DHRS7: variants seen among roughly 807,000 people sequenced by gnomAD.
The protein encoded by DHRS7 is dehydrogenase/reductase 7, also known as dehydrogenase/reductase SDR family member 7.
A neutral mutation model predicts 38.9 loss-of-function variants in DHRS7; 34 were observed. The observed-to-expected ratio is 0.87, with a 90% CI of 0.66 to 1.16. DHRS7 has a LOEUF of 1.16. DHRS7 is among the 50% of genes most tolerant of loss of function. DHRS7 has a pLI of 0.00. For missense variants in DHRS7, 421 were observed against 407.0 expected, an observed-to-expected ratio of 1.03 and a Z score of -0.30; for synonymous variants, 158 against 153.1, an observed-to-expected ratio of 1.03 and a Z score of -0.24.
intron 5 of DHRS7, 44 bp downstream of exon 5, chr14:60,150,021 A>T: frequency 6.3e-7 from 1 of 1,582,078 alleles, no homozygotes; most frequent in African/African-American, 1.4e-5. Flanking sequence ...ATGCCAATAT[A>T]TAACTAGTAA....
chr14:60,149,918 A>T, intron 5 of DHRS7, 147 bp downstream of exon 5: 1 of 825,616 alleles, frequency 1.2e-6, no homozygotes. Context: ...TCCATAAACA[A>T]TTTTCATAAT....
rs772123564 is a variant in DHRS7, at chr14:60,144,894, A to G, written c.*72T>C. ...ACAAATTAGTCTTTGATTATTCAGA[A>G]GCATAAGAAGATTGCTGTTTTCATG... On this transcript the variant is annotated 3_prime_UTR_variant, in exon 7 of 7. Coordinates refer to ENST00000557185, the MANE Select transcript of DHRS7 (RefSeq NM_016029.4). The G allele has an allele frequency of 8.0e-7, 1 of 1,243,346 alleles. No individual in the cohort carries two copies. Among genetic ancestry groups the G allele is most frequent in the South Asian group, 1.2e-5 (1 of 80,612 alleles). The allele number at this position is 1,243,346 out of a possible 1,614,324, so 77.0% of individuals were successfully genotyped here. A position where few individuals can be genotyped will look rare whatever the true frequency, so the allele number is the denominator to read the frequency against.
chr14:60,163,761 A>G (rs1896809523), intron 1 of DHRS7, among the ~76,000 whole-genome samples: 1 of 152,212 alleles, frequency 6.6e-6, no homozygotes, highest in Admixed American at 6.5e-5. Flanking sequence ...TGATGGGTTG[A>G]ATATTTTTTG....
In DHRS7 at chr14:60,153,956, T is replaced by TA. The variant is rs1278279403; in HGVS notation, c.393+2dup. 6.2e-7 allele frequency: 1 copy of TA among 1,612,610 alleles called. No homozygotes were observed. The highest frequency in any genetic ancestry group is 8.5e-7 in the Non-Finnish European group (1 of 1,178,638). On this transcript the variant is annotated splice_region_variant and intron_variant, in intron 3 of 6. Coordinates refer to ENST00000557185, the MANE Select transcript of DHRS7 (RefSeq NM_016029.4). This position sits in a 1 kb window ranked among gnomAD's most constrained non-coding sequence, Gnocchi z 4.4. The stretch of plus-strand genomic sequence containing the variant: ...GACTATATCAATATAAGATGCTACT[T>TA]ACTCTACCAAACTCCTGGAGAACAG...
At chr14:60,169,157 A>AAAAAAAAAAAAAAAAAAAAAAAAAAAAAC (rs1566539386), upstream of DHRS7, 3 of 150,120 alleles carry the variant, frequency 2.0e-5, no homozygotes, top group East Asian at 2.2e-4. Context: ...AAAAAAAAAA[A>AAAAAAAAAAAAAAAAAAAAAAAAAAAAAC]AAAACCATTG....
At chr14:60,166,345 G>A (rs1047066626), upstream of DHRS7, 1 of 898,776 alleles carries the variant, frequency 1.1e-6, no homozygotes, top group Non-Finnish European at 1.3e-6. Flanking sequence ...GTGGCCAAAT[G>A]GAGAAAGTTC....
upstream of DHRS7, among the ~76,000 whole-genome samples, chr14:60,168,243 A>G (rs535733135): frequency 7.2e-5 from 11 of 152,156 alleles, no homozygotes; most frequent in South Asian, 2.1e-4. Flanking sequence ...AGATTAGCCA[A>G]TTTCCACAGT....
upstream of DHRS7, among the ~76,000 whole-genome samples, chr14:60,168,169 G>A (rs148700244): frequency 2.0e-3 from 307 of 152,216 alleles, 1 homozygote; most frequent in African/African-American, 7.0e-3. Flanking sequence ...TCCCTCAATA[G>A]GAATATCTCA....
intron 4 of DHRS7, among the ~76,000 whole-genome samples, 167 bp from the exon 5 acceptor site, chr14:60,150,354 A>C (rs747903698): frequency 9.9e-5 from 15 of 152,184 alleles, no homozygotes; most frequent in Non-Finnish European, 1.8e-4. Context: ...TCTAGGGTAC[A>C]TGTGCACAAC....
At chr14:60,158,232 GAAAA>G (rs34207942) in intron 1 of DHRS7, among the ~76,000 whole-genome samples, 6 of 83,200 alleles carry the variant, frequency 7.2e-5, no homozygotes, top group Admixed American at 5.7e-4. Flanking sequence ...GACTCTGTCG[GAAAA>G]AAAAAAAAAA....
upstream of DHRS7, among the ~76,000 whole-genome samples, chr14:60,167,692 T>C (rs1002364735): frequency 6.6e-6 from 1 of 152,200 alleles, no homozygotes; most frequent in Non-Finnish European, 1.5e-5. Flanking sequence ...GAGTGGAAAC[T>C]GTGAGTGGAA....
At chr14:60,167,880 A>G (rs1195130788), upstream of DHRS7, among the ~76,000 whole-genome samples, 1 of 152,186 alleles carries the variant, frequency 6.6e-6, no homozygotes, top group African/African-American at 2.4e-5. Flanking sequence ...TCTGGGCACT[A>G]TGTAAAGACA....
chr14:60,166,993 G>C (rs1432009387), upstream of DHRS7, among the ~76,000 whole-genome samples: 1 of 152,020 alleles, frequency 6.6e-6, no homozygotes. Context: ...GGGTTGGGGG[G>C]GACGTGGAGA....
At chr14:60,168,597 T>C (rs921562940), upstream of DHRS7, 4 of 1,413,308 alleles carry the variant, frequency 2.8e-6, no homozygotes, top group East Asian at 5.1e-5. Context: ...TTAAAAAAAT[T>C]AGGTTAAATT....
chr14:60,154,987 A>G (rs908799101), intron 2 of DHRS7, among the ~76,000 whole-genome samples: 1 of 152,120 alleles, frequency 6.6e-6, no homozygotes, highest in Non-Finnish European at 1.5e-5. Flanking sequence ...ACTAACTCTC[A>G]TTTCTGGGTG....
At chr14:60,156,181 A>G (rs768150887) in intron 1 of DHRS7, 29 bp from the exon 2 acceptor site, 1 of 1,508,764 alleles carries the variant, frequency 6.6e-7, no homozygotes, top group South Asian at 1.3e-5. Flanking sequence ...TGGAAGGAAG[A>G]AAATAAGCAA....
In DHRS7 at chr14:60,150,468, C is replaced by A. The variant is rs1029887162; in HGVS notation, c.634-281G>T. On this transcript the variant is annotated intron_variant, in intron 4 of 6. Coordinates refer to ENST00000557185, the MANE Select transcript of DHRS7 (RefSeq NM_016029.4). ...TCTCCTAATGCTATCCGTCCCCACTCCCCCCACCCCATGACAGGCCCCACT... is the reference window on the plus strand; with the variant it reads ...TCTCCTAATGCTATCCGTCCCCACTACCCCCACCCCATGACAGGCCCCACT... Among the ~76,000 whole-genome samples, 3 of 151,958 alleles carry A rather than the reference C, an allele frequency of 2.0e-5. No homozygotes were observed. In the South Asian group the frequency reaches 6.2e-4, roughly 32 times the overall value.
chr14:60,154,040 A>T lies in DHRS7; in HGVS notation c.312T>A (p.Asp104Glu). ...CLENGNLKEK[D>E]ILVLPLDLTD... Reference sequence around the variant, plus strand: ...TCAGGTCAAGGGGCAAAACAAGTATATCTTTTTCTTTTAAATTGCCATTCT... The same window carrying T: ...TCAGGTCAAGGGGCAAAACAAGTATTTCTTTTTCTTTTAAATTGCCATTCT... The change falls in exon 3 of 7, where the codon GAT becomes GAA. Residue 104 changes from aspartate (D) to glutamate (E), a missense_variant. By Grantham distance (45) the Asp-to-Glu change is conservative. Coordinates refer to ENST00000557185, the MANE Select transcript of DHRS7 (RefSeq NM_016029.4). 1 of 1,613,930 alleles carries T rather than the reference A, an allele frequency of 6.2e-7. No individual in the cohort carries two copies. Among genetic ancestry groups the T allele is most frequent in the Non-Finnish European group, 8.5e-7 (1 of 1,179,852 alleles).
rs1455152388 is a variant in DHRS7, at chr14:60,161,770, G to T, written c.133+3407C>A. On this transcript the variant is annotated intron_variant, in intron 1 of 6. Coordinates refer to ENST00000557185, the MANE Select transcript of DHRS7 (RefSeq NM_016029.4). The surrounding 1 kb of genome is among the most constrained non-coding windows in gnomAD (Gnocchi z 4.2). ...CCCCCAGAAGGTAGGGTCTATGAGGGCCTGGACTGTGGCTGATTCAGTCAC... is the reference window on the plus strand; with the variant it reads ...CCCCCAGAAGGTAGGGTCTATGAGGTCCTGGACTGTGGCTGATTCAGTCAC... Among the ~76,000 whole-genome samples the T allele has an allele frequency of 6.6e-6, 1 of 152,180 alleles. No individual in the cohort carries two copies. Among genetic ancestry groups the T allele is most frequent in the Non-Finnish European group, 1.5e-5 (1 of 68,030 alleles).
Sources: allele counts gnomAD v4.1 joint callset (sites outside exome capture counted in the v4.1 genomes callset), GRCh38; gene constraint gnomAD v4.1.1; non-coding constraint Gnocchi (gnomAD v3.1); transcripts MANE v1.5; gene names NCBI Gene and HGNC (gene_info 2026-07-23, HGNC 2026-07-21).